MIPEP: variants seen among roughly 807,000 people sequenced by gnomAD.
MIPEP encodes the protein mitochondrial intermediate peptidase.
Under a neutral mutation model 90.3 loss-of-function variants are expected in MIPEP, and 79 were observed. That is an observed-to-expected ratio of 0.87 (90% CI 0.73 to 1.05). The LOEUF is 1.05. Ranked by LOEUF, MIPEP falls within the 50% of genes least tolerant of loss-of-function variation. MIPEP has a pLI of 0.00. For missense variants in MIPEP, 940 were observed against 905.6 expected, an observed-to-expected ratio of 1.04 and a Z score of -0.49; for synonymous variants, 334 against 315.8, an observed-to-expected ratio of 1.06 and a Z score of -0.61.
intron 14 of MIPEP, among the ~76,000 whole-genome samples, chr13:23,831,559 T>A (rs1333467693): frequency 2.0e-5 from 3 of 152,138 alleles, no homozygotes; most frequent in African/African-American, 7.2e-5. Context: ...TTGTGCTGCA[T>A]CAAAGCATGG....
At chr13:23,858,671 T>C (rs564619320) in intron 10 of MIPEP, among the ~76,000 whole-genome samples, 189 bp downstream of exon 10, 13 of 152,050 alleles carry the variant, frequency 8.5e-5, no homozygotes, top group African/African-American at 2.9e-4. Context: ...GACCAGATTG[T>C]AGAATTTTAA....
At chr13:23,789,020 C>T (rs934264762) in intron 16 of MIPEP, among the ~76,000 whole-genome samples, 3 of 152,188 alleles carry the variant, frequency 2.0e-5, no homozygotes, top group African/African-American at 7.2e-5. Context: ...GTTGCCCAGG[C>T]TGGTCTTGAA....
chr13:23,859,079 C>T (rs966840367), intron 9 of MIPEP, among the ~76,000 whole-genome samples, 167 bp from the exon 10 acceptor site: 16 of 152,142 alleles, frequency 1.1e-4, no homozygotes, highest in African/African-American at 3.9e-4. Flanking sequence ...TACCTGGCTC[C>T]TTATTTTGAC....
At chr13:23,732,387 T>G (rs534733451) in intron 18 of MIPEP, among the ~76,000 whole-genome samples, 25 of 151,728 alleles carry the variant, frequency 1.6e-4, no homozygotes, top group Non-Finnish European at 2.9e-4. Context: ...AACCAGTGTC[T>G]TACGAAACTA....
intron 17 of MIPEP, chr13:23,756,916 C>T (rs1280993047): frequency 3.0e-6 from 1 of 337,342 alleles, no homozygotes; most frequent in African/African-American, 2.1e-5. Flanking sequence ...TATACAATAG[C>T]TGTCCCCAAT....
At chr13:23,888,511 C>G (rs1871621725) in intron 1 of MIPEP, among the ~76,000 whole-genome samples, 1 of 152,106 alleles carries the variant, frequency 6.6e-6, no homozygotes, top group Admixed American at 6.5e-5. Context: ...CACTAGACAA[C>G]GCAGGCTAGT....
intron 16 of MIPEP, among the ~76,000 whole-genome samples, chr13:23,799,328 TG>T (rs1419874793): frequency 2.7e-5 from 4 of 146,630 alleles, no homozygotes; most frequent in Non-Finnish European, 6.0e-5. Context: ...GTAATTTTTT[TG>T]TTTTTGTTTT....
chr13:23,858,076 A>C (rs1418426639), intron 10 of MIPEP, among the ~76,000 whole-genome samples: 1 of 152,184 alleles, frequency 6.6e-6, no homozygotes, highest in African/African-American at 2.4e-5. Context: ...ACTAACTACA[A>C]GGGAAAAATG....
At chr13:23,814,695 T>C (rs1432016679) in intron 14 of MIPEP, among the ~76,000 whole-genome samples, 1 of 152,216 alleles carries the variant, frequency 6.6e-6, no homozygotes, top group Non-Finnish European at 1.5e-5. Context: ...CTTTTGGGCC[T>C]TTCAGGCTGT....
At chr13:23,826,065 G>C (rs1371247754) in intron 14 of MIPEP, among the ~76,000 whole-genome samples, 1 of 145,474 alleles carries the variant, frequency 6.9e-6, no homozygotes, top group Admixed American at 6.9e-5. Flanking sequence ...AAATTACCAG[G>C]AAAAAAAAAA....
At chr13:23,829,997 G>A (rs1868658974) in intron 14 of MIPEP, among the ~76,000 whole-genome samples, 2 of 152,220 alleles carry the variant, frequency 1.3e-5, no homozygotes. Context: ...CCATTGCTGA[G>A]AGGAGTATAA....
At chr13:23,825,187 A>T (rs1311797998) in intron 14 of MIPEP, among the ~76,000 whole-genome samples, 2 of 152,234 alleles carry the variant, frequency 1.3e-5, no homozygotes, top group Admixed American at 1.3e-4. Flanking sequence ...GCTCAGATCC[A>T]TCTCTACTTC....
At chr13:23,775,293 A>T (rs1351658606) in intron 16 of MIPEP, among the ~76,000 whole-genome samples, 1 of 152,228 alleles carries the variant, frequency 6.6e-6, no homozygotes, top group Non-Finnish European at 1.5e-5. Context: ...TACAATATTG[A>T]ATAGAAGGGG....
At chr13:23,824,305 T>C (rs1953341850) in intron 14 of MIPEP, among the ~76,000 whole-genome samples, 1 of 152,226 alleles carries the variant, frequency 6.6e-6, no homozygotes, top group African/African-American at 2.4e-5. Context: ...GTCACTGTGA[T>C]AAAATACCTT....
intron 14 of MIPEP, among the ~76,000 whole-genome samples, chr13:23,821,022 A>G (rs1451096088): frequency 1.3e-5 from 2 of 152,174 alleles, no homozygotes; most frequent in Non-Finnish European, 2.9e-5. Flanking sequence ...TGCAAGCTCC[A>G]CATTTCCCTC....
chr13:23,849,550 T>C (rs1162981450), intron 10 of MIPEP, among the ~76,000 whole-genome samples: 2 of 152,240 alleles, frequency 1.3e-5, no homozygotes, highest in Non-Finnish European at 2.9e-5. Flanking sequence ...CACTCTGCTA[T>C]TCTGGTTTAT....
At chr13:23,810,875 T>C (rs1410664164) in intron 14 of MIPEP, among the ~76,000 whole-genome samples, 6 of 152,212 alleles carry the variant, frequency 3.9e-5, no homozygotes, top group African/African-American at 7.2e-5. Flanking sequence ...GTGAAAGACA[T>C]AGAATCTGCT....
At chr13:23,820,087 T>C (rs1953287515) in intron 14 of MIPEP, among the ~76,000 whole-genome samples, 1 of 152,096 alleles carries the variant, frequency 6.6e-6, no homozygotes, top group East Asian at 1.9e-4. Context: ...GTCTCCCCAA[T>C]GAGGTTTACA....
chr13:23,820,845 T>C (rs1953297794), intron 14 of MIPEP, among the ~76,000 whole-genome samples: 2 of 152,250 alleles, frequency 1.3e-5, no homozygotes, highest in Admixed American at 6.5e-5. Flanking sequence ...CCTTTCCTTA[T>C]GGCCAGGGAA....
Sources: gnomAD v4.1 joint callset for allele counts (sites outside exome capture counted in the v4.1 genomes callset) on GRCh38, gnomAD v4.1.1 for gene constraint, MANE v1.5 for transcripts, NCBI Gene and HGNC (gene_info 2026-07-23, HGNC 2026-07-21) for gene names.